Variants in STK10 observed in about 807,000 individuals in gnomAD.
STK10 encodes the protein serine/threonine-protein kinase 10.
STK10 carries 78 observed loss-of-function variants against 113.8 expected under a neutral mutation model. The ratio of observed to expected loss-of-function variants is 0.69; its 90% CI spans 0.57 to 0.83. The LOEUF is 0.83. Among genes scored for constraint, STK10 ranks in the 40% least tolerant of loss-of-function variants. The probability of loss-of-function intolerance (pLI) is 0.00; values close to 1 mark genes in which losing one functional copy is unlikely to be tolerated. For synonymous variants in STK10, 465 were observed against 494.7 expected (o/e 0.94, Z 0.80); for missense variants, 1,109 against 1,280.1 (o/e 0.87, Z 2.04).
chr5:172,048,414 T>TCCACACACACAC (rs1554114845), intron 18 of STK10, among the ~76,000 whole-genome samples: 3 of 128,392 alleles, frequency 2.3e-5, no homozygotes, highest in African/African-American at 6.2e-5. Flanking sequence ...TCCCTCTCCC[T>TCCACACACACAC]ACACACACAC....
intron 8 of STK10, among the ~76,000 whole-genome samples, chr5:172,095,574 G>A (rs1768830274): frequency 6.6e-6 from 1 of 152,266 alleles, no homozygotes; most frequent in African/African-American, 2.4e-5. Context: ...AGCCACCAGG[G>A]GCTCCATGCA....
At chr5:172,105,588 TC>T in intron 7 of STK10, 67 bp downstream of exon 7, 1 of 1,519,490 alleles carries the variant, frequency 6.6e-7, no homozygotes, top group Non-Finnish European at 9.1e-7. Flanking sequence ...ATGCCCAGCG[TC>T]CAGGTCACTG....
At chr5:172,176,786 C>A (rs73805212) in intron 1 of STK10, among the ~76,000 whole-genome samples, 6,087 of 152,284 alleles carry the variant, frequency 0.04, 370 homozygotes, top group African/African-American at 0.14. Flanking sequence ...CTACAAAATT[C>A]TTATGTTGAA....
chr5:172,055,643 C>G lies in STK10; in HGVS notation c.2471G>C (p.Ser824Thr), dbSNP rs779518461. The G allele has an allele frequency of 1.9e-6, 3 of 1,570,030 alleles. No individual in the cohort carries two copies. The highest frequency in any genetic ancestry group is 1.7e-4 in the Middle Eastern group (1 of 5,768). ...GKTRMAMYKK[S>T]LHINGGGSAA... ...GCTGCCCCCGCCGTTGATGTGGAGG[C>G]TCTTCTTGTACATGGCCATGCGCGT... The change falls in exon 16 of 19, where the codon AGC (serine) becomes ACC (threonine). Residue 824 changes from serine (S) to threonine (T), a missense_variant. This residue lies in a region of STK10 where 885 missense variants were observed against 991.1 expected (regional missense o/e 0.89). Transcript: ENST00000176763.
At chr5:172,108,635 AT>A (rs1769168604) in intron 4 of STK10, among the ~76,000 whole-genome samples, 1 of 146,194 alleles carries the variant, frequency 6.8e-6, no homozygotes, top group African/African-American at 2.6e-5. Flanking sequence ...AAAAAAAAAA[AT>A]TAGCCAGGTG....
At chr5:172,159,747 C>T (rs545465935) in intron 1 of STK10, among the ~76,000 whole-genome samples, 2 of 152,016 alleles carry the variant, frequency 1.3e-5, no homozygotes, top group African/African-American at 2.4e-5. Flanking sequence ...TGCTTGAACC[C>T]GGAAGGCAGA....
chr5:172,044,717 T>C lies in STK10; in HGVS notation c.*165A>G, dbSNP rs543437072. On this transcript the variant is annotated 3_prime_UTR_variant, in exon 19 of 19. Transcript: ENST00000176763. This position sits in a 1 kb window ranked among gnomAD's most constrained non-coding sequence, Gnocchi z 4.5. ...CAGGCCAGCAAGAAGTCAGGAACGCTGGGGCAGGTCTATCAGGCACAGTTG... is the reference window on the plus strand; with the variant it reads ...CAGGCCAGCAAGAAGTCAGGAACGCCGGGGCAGGTCTATCAGGCACAGTTG... 2.3e-5 allele frequency: 26 copies of C among 1,120,404 alleles called. No individual in the cohort carries two copies. Among genetic ancestry groups the C allele is most frequent in the Non-Finnish European group, 3.2e-5 (25 of 774,510 alleles). The allele number at this position is 1,120,404 out of a possible 1,614,324, so 69.4% of individuals were successfully genotyped here. A position where few individuals can be genotyped will look rare whatever the true frequency, so the allele number is the denominator to read the frequency against.
chr5:172,131,247 G>A (rs936158666), intron 2 of STK10, among the ~76,000 whole-genome samples: 6 of 151,974 alleles, frequency 3.9e-5, no homozygotes, highest in African/African-American at 2.4e-5. Context: ...TGTTAGCCAG[G>A]ATGGTCTCGA....
At chr5:172,121,533 G>A (rs568010738) in intron 3 of STK10, among the ~76,000 whole-genome samples, 47 of 151,822 alleles carry the variant, frequency 3.1e-4, no homozygotes, top group Admixed American at 5.3e-4. Flanking sequence ...TTGGCAGGGC[G>A]CGGTGGCTCA....
chr5:172,106,419 G>GAAAAAAAAA (rs1769110876), intron 6 of STK10, among the ~76,000 whole-genome samples: 1 of 102,106 alleles, frequency 9.8e-6, no homozygotes, highest in Non-Finnish European at 1.9e-5. Flanking sequence ...AAAAAAAAAA[G>GAAAAAAAAA]GAACACAAAG....
chr5:172,047,702 G>A (rs945466172), intron 18 of STK10, among the ~76,000 whole-genome samples: 6 of 152,114 alleles, frequency 3.9e-5, no homozygotes, highest in African/African-American at 7.2e-5. Flanking sequence ...ACTGATGTAC[G>A]ATGGCAGAAC....
At chr5:172,129,328 G>A (rs1184221218) in intron 2 of STK10, among the ~76,000 whole-genome samples, 3 of 152,218 alleles carry the variant, frequency 2.0e-5, no homozygotes, top group Non-Finnish European at 4.4e-5. Context: ...GAGAGCTGTG[G>A]AAGGCGGCAC....
intron 9 of STK10, 95 bp from the exon 10 acceptor site, chr5:172,090,457 G>A (rs1768674807): frequency 6.6e-7 from 1 of 1,504,190 alleles, no homozygotes; most frequent in Non-Finnish European, 9.0e-7. Context: ...TGGGCCCACA[G>A]CTTCAGAACC....
intron 2 of STK10, among the ~76,000 whole-genome samples, chr5:172,138,017 C>T (rs556843477): frequency 5.2e-4 from 79 of 152,154 alleles, no homozygotes; most frequent in Non-Finnish European, 9.3e-4. Context: ...AAAATGCCCA[C>T]GCTCACCACT....
At chr5:172,151,623 C>T (rs972944556) in intron 2 of STK10, among the ~76,000 whole-genome samples, 2 of 152,186 alleles carry the variant, frequency 1.3e-5, no homozygotes, top group African/African-American at 2.4e-5. Context: ...AGATTACAGG[C>T]GTGAGCCACT....
chr5:172,160,667 G>C (rs986595916), intron 1 of STK10, among the ~76,000 whole-genome samples: 2 of 152,162 alleles, frequency 1.3e-5, no homozygotes, highest in African/African-American at 4.8e-5. Context: ...TCTGGAACCT[G>C]ACTGCACCGG....
At chr5:172,089,034 C>A (rs1768630750) in intron 10 of STK10, among the ~76,000 whole-genome samples, 1 of 152,162 alleles carries the variant, frequency 6.6e-6, no homozygotes, top group Non-Finnish European at 1.5e-5. Flanking sequence ...CCGGCCACTG[C>A]CCCAGCCTGA....
chr5:172,061,355 T>G, intron 13 of STK10, 87 bp from the exon 14 acceptor site: 1 of 1,488,182 alleles, frequency 6.7e-7, no homozygotes, highest in East Asian at 2.4e-5. Context: ...AAAGCCCGCG[T>G]GATCAGAGAA....
rs1376766409 is a variant in STK10 at position 172,102,600 on chromosome 5, T to A, written c.870+3056A>T. Among the ~76,000 whole-genome samples the A allele has an allele frequency of 2.0e-5, 3 of 151,552 alleles. No individual in the cohort carries two copies. In the East Asian group the frequency reaches 5.8e-4, roughly 29 times the overall value. ...AGAAGGAGAGGCTTATGACCAAGGG[T>A]GTGTGGAGGCCTGGAGGTCGAGTGC... On this transcript the variant is annotated intron_variant, in intron 7 of 18. Transcript: ENST00000176763.
Sources: allele counts gnomAD v4.1 joint callset (sites outside exome capture counted in the v4.1 genomes callset), GRCh38; gene constraint gnomAD v4.1.1; regional missense constraint gnomAD v4.1.1; non-coding constraint Gnocchi (gnomAD v3.1); transcripts MANE v1.5; gene names NCBI Gene and HGNC (gene_info 2026-07-23, HGNC 2026-07-21).